Variants in ITGB1BP1 observed in about 807,000 individuals in gnomAD.
ITGB1BP1 encodes the protein integrin subunit beta 1 binding protein 1, also known as integrin beta-1-binding protein 1.
Under a neutral mutation model 28.0 loss-of-function variants are expected in ITGB1BP1, and 20 were observed. The ratio of observed to expected loss-of-function variants is 0.71; its 90% confidence interval spans 0.50 to 1.04. The LOEUF is 1.04. Among genes scored for constraint, ITGB1BP1 ranks in the 50% least tolerant of loss-of-function variants. The pLI is 0.00. For synonymous variants in ITGB1BP1, 103 were observed against 89.5 expected (o/e 1.15, Z -0.85); for missense variants, 228 against 242.5 (o/e 0.94, Z 0.40).
chr2:9,409,000 A>G (rs1172657071), intron 4 of ITGB1BP1, among the ~76,000 whole-genome samples: 2 of 152,238 alleles, frequency 1.3e-5, no homozygotes, highest in Admixed American at 1.3e-4. Context: ...TCCTGCCCAG[A>G]TGGGAAGGCG....
intron 2 of ITGB1BP1, among the ~76,000 whole-genome samples, chr2:9,416,097 G>A (rs1558434168): frequency 6.6e-6 from 1 of 152,090 alleles, no homozygotes; most frequent in African/African-American, 2.4e-5. Context: ...GTTGAGTCAC[G>A]GCATCCCATC....
At chr2:9,421,115 A>G (rs778561641) in intron 1 of ITGB1BP1, among the ~76,000 whole-genome samples, 1 of 152,232 alleles carries the variant, frequency 6.6e-6, no homozygotes, top group Non-Finnish European at 1.5e-5. Context: ...TCAGATACTT[A>G]AGTATATATA....
chr2:9,414,264 A>G lies in ITGB1BP1; in HGVS notation c.73-8T>C, dbSNP rs753999895. 6.2e-7 allele frequency: 1 copy of G among 1,612,642 alleles called. No individual in the cohort carries two copies. The highest frequency in any genetic ancestry group is 1.1e-5 in the South Asian group (1 of 91,052). On this transcript the variant is annotated splice_polypyrimidine_tract_variant and splice_region_variant and intron_variant, in intron 2 of 6. Coordinates refer to ENST00000355346, the MANE Select transcript of ITGB1BP1 (RefSeq NM_004763.5). ...AAGGCTAGAATCCACAGACTGAGAA[A>G]CAGAAAAACAAGTAAAAAACCTCCA...
In ITGB1BP1 at chr2:9,405,991, A is replaced by C. The variant is rs1677230588; in HGVS notation, c.*843T>G. On this transcript the variant is annotated 3_prime_UTR_variant, in exon 7 of 7. Coordinates refer to ENST00000355346, the MANE Select transcript of ITGB1BP1 (RefSeq NM_004763.5). ...GTGATACCATGACTGGGAAGCCACCACTGAGCCCATGTCCTCAGTCTTCCT... is the reference window on the plus strand; with the variant it reads ...GTGATACCATGACTGGGAAGCCACCCCTGAGCCCATGTCCTCAGTCTTCCT... 6.6e-6 allele frequency: 1 copy of C among 152,274 alleles called. No homozygotes were observed. The highest frequency in any genetic ancestry group is 2.1e-4 in the South Asian group (1 of 4,836). 9.4% of individuals were successfully genotyped at this position (152,274 alleles called of 1,614,324 possible).
chr2:9,409,530 T>C, intron 4 of ITGB1BP1, among the ~76,000 whole-genome samples: 1 of 152,218 alleles, frequency 6.6e-6, no homozygotes, highest in Admixed American at 6.5e-5. Context: ...TATTAATCTT[T>C]CAGTACAACA....
rs1677694585 is a variant in ITGB1BP1, at chr2:9,407,618, T to A, written c.382-20A>T. On this transcript the variant is annotated intron_variant, in intron 5 of 6. Coordinates refer to ENST00000355346, the MANE Select transcript of ITGB1BP1 (RefSeq NM_004763.5). ...AACATCCTGCAGAAGTCAGGAAAGA[T>A]TCCGAGAGATCAGGACTCTCAAATG... The A allele has an allele frequency of 6.2e-7, 1 of 1,613,542 alleles. No homozygotes were observed. The highest frequency in any genetic ancestry group is 1.7e-5 in the Admixed American group (1 of 59,972).
At chr2:9,406,932 A>T in intron 6 of ITGB1BP1, 27 bp from the exon 7 acceptor site, 1 of 1,533,342 alleles carries the variant, frequency 6.5e-7, no homozygotes, top group Non-Finnish European at 9.0e-7. Flanking sequence ...ATAGAGTAAG[A>T]GCAACATTCA....
intron 2 of ITGB1BP1, among the ~76,000 whole-genome samples, chr2:9,417,167 T>G (rs1184463926): frequency 6.6e-6 from 1 of 152,060 alleles, no homozygotes. Flanking sequence ...GCCCCCTGCT[T>G]TACTCTCAGA....
At chr2:9,407,362 A>G in intron 6 of ITGB1BP1, 87 bp downstream of exon 6, 1 of 1,421,072 alleles carries the variant, frequency 7.0e-7, no homozygotes, top group Non-Finnish European at 9.8e-7. Context: ...TATATAATGG[A>G]TTGTATTTCT....
At position 9,423,465 on chromosome 2, in the gene ITGB1BP1, C is replaced by G; in HGVS notation, c.-128G>C. ...GCGCCCAGGCAGCTACTCCCGTTCC[C>G]GCTCCAGCGCCGGCTTTTCCAGCCC... is the stretch of plus-strand genomic sequence containing the variant. On this transcript the variant is annotated 5_prime_UTR_variant, in exon 1 of 7. Coordinates refer to ENST00000355346, the MANE Select transcript of ITGB1BP1 (RefSeq NM_004763.5). 1.7e-6 allele frequency: 2 copies of G among 1,177,166 alleles called. No individual in the cohort carries two copies. The highest frequency in any genetic ancestry group is 5.9e-5 in the East Asian group (1 of 16,906). 72.9% of individuals were successfully genotyped at this position (1,177,166 alleles called of 1,614,324 possible).
chr2:9,419,621 A>C (rs11689078), intron 1 of ITGB1BP1, among the ~76,000 whole-genome samples: 29,282 of 152,146 alleles, frequency 0.19, 3,009 homozygotes, highest in Middle Eastern at 0.3. Flanking sequence ...TAATAAATGC[A>C]TTGGAAACTA....
At chr2:9,411,144 T>C (rs1298489320) in intron 4 of ITGB1BP1, among the ~76,000 whole-genome samples, 1 of 152,218 alleles carries the variant, frequency 6.6e-6, no homozygotes, top group African/African-American at 2.4e-5. Flanking sequence ...TCTTATACTT[T>C]TGATTTAATT....
Position 9,406,674 on chromosome 2 carries a change from G to T in ITGB1BP1, c.*160C>A. ...TGAGAGTTAACTCACTGTGTAATAG[G>T]ACACATTTTAATAAACAAATGATCA... On this transcript the variant is annotated 3_prime_UTR_variant, in exon 7 of 7. Coordinates refer to ENST00000355346, the MANE Select transcript of ITGB1BP1 (RefSeq NM_004763.5). The T allele has an allele frequency of 1.6e-6, 1 of 636,152 alleles. No homozygotes were observed. The highest frequency in any genetic ancestry group is 1.9e-5 in the South Asian group (1 of 52,852). 39.4% of individuals were successfully genotyped at this position (636,152 alleles called of 1,614,324 possible).
intron 1 of ITGB1BP1, chr2:9,422,925 C>A: frequency 1.0e-6 from 1 of 986,078 alleles, no homozygotes; most frequent in Non-Finnish European, 1.2e-6. Context: ...CTAGGGAGAG[C>A]CGGCTCCGAA....
chr2:9,423,215 C>A, intron 1 of ITGB1BP1, 158 bp downstream of exon 1: 1 of 1,086,350 alleles, frequency 9.2e-7, no homozygotes, highest in Non-Finnish European at 1.1e-6. Flanking sequence ...CCCGGGAGCG[C>A]GGCCCCGCCC....
chr2:9,412,534 A>G (rs1292536450), intron 3 of ITGB1BP1, 129 bp from the exon 4 acceptor site: 1 of 725,020 alleles, frequency 1.4e-6, no homozygotes, highest in Non-Finnish European at 2.2e-6. Flanking sequence ...TTTATAATAC[A>G]CAATATTTTT....
intron 2 of ITGB1BP1, among the ~76,000 whole-genome samples, chr2:9,414,987 T>C (rs1678933349): frequency 6.6e-6 from 1 of 152,176 alleles, no homozygotes; most frequent in Non-Finnish European, 1.5e-5. Flanking sequence ...CTGACACCTG[T>C]AATCTCAGTA....
At position 9,404,876 on chromosome 2, in the gene ITGB1BP1, TTTTG is replaced by T. The variant is rs759913024; in HGVS notation, c.*1954_*1957del. The T allele has an allele frequency of 1.3e-5, 2 of 152,606 alleles. No homozygotes were observed. The highest frequency in any genetic ancestry group is 6.5e-5 in the Admixed American group (1 of 15,276). The allele number at this position is 152,606 out of a possible 1,614,324, so 9.5% of individuals were successfully genotyped here. ...GTAAAAATGTGTTATATCTGTAGTTTTTTGTTTTTGTTTTTTTTTAAAGCACTAC... is the reference window on the plus strand; with the variant it reads ...GTAAAAATGTGTTATATCTGTAGTTTTTTTTGTTTTTTTTTAAAGCACTAC... On this transcript the variant is annotated 3_prime_UTR_variant, in exon 7 of 7. Coordinates refer to ENST00000355346, the MANE Select transcript of ITGB1BP1 (RefSeq NM_004763.5).
chr2:9,418,752 T>C lies in ITGB1BP1; in HGVS notation c.-35-20A>G. The C allele has an allele frequency of 6.6e-7, 1 of 1,506,908 alleles. No homozygotes were observed. The highest frequency in any genetic ancestry group is 9.2e-7 in the Non-Finnish European group (1 of 1,087,800). The allele number at this position is 1,506,908 out of a possible 1,614,324, so 93.3% of individuals were successfully genotyped here. On this transcript the variant is annotated intron_variant, in intron 1 of 6. Coordinates refer to ENST00000355346, the MANE Select transcript of ITGB1BP1 (RefSeq NM_004763.5). ...GATCCCCTGAAAAAACAAATATTGG[T>C]AACAGTTACATCGGGAAAAGCAACT...
Sources: gnomAD v4.1 joint callset for allele counts (sites outside exome capture counted in the v4.1 genomes callset) on GRCh38, gnomAD v4.1.1 for gene constraint, MANE v1.5 for transcripts, NCBI Gene and HGNC (gene_info 2026-07-23, HGNC 2026-07-21) for gene names.